Variants in ADAMTS6 observed in about 807,000 individuals in gnomAD.
ADAMTS6 encodes the protein A disintegrin and metalloproteinase with thrombospondin motifs 6.
ADAMTS6 carries 23 observed loss-of-function variants against 144.3 expected under a neutral mutation model. The ratio of observed to expected loss-of-function variants is 0.16; its 90% confidence interval spans 0.11 to 0.23. ADAMTS6 has a LOEUF of 0.23. Ranked by LOEUF, ADAMTS6 falls within the 10% of genes least tolerant of loss-of-function variation. The probability of loss-of-function intolerance (pLI) is 1.00; values close to 1 mark genes in which losing one functional copy is unlikely to be tolerated. For synonymous variants in ADAMTS6, 444 were observed against 457.5 expected (o/e 0.97, Z 0.38); for missense variants, 999 against 1,379.6 (o/e 0.72, Z 4.37).
At chr5:65,473,553 C>T (rs1760629800) in intron 2 of ADAMTS6, 24 bp downstream of exon 2, 3 of 1,569,802 alleles carry the variant, frequency 1.9e-6, no homozygotes, top group Admixed American at 1.8e-5. Flanking sequence ...TATTTTTTGT[C>T]AGTTTCAAAA....
chr5:65,337,755 T>C (rs764016341), intron 7 of ADAMTS6, among the ~76,000 whole-genome samples: 1 of 152,152 alleles, frequency 6.6e-6, no homozygotes, highest in Non-Finnish European at 1.5e-5. Flanking sequence ...ATATTCACTC[T>C]ACATCCCATC....
intron 7 of ADAMTS6, among the ~76,000 whole-genome samples, chr5:65,353,908 T>C (rs1749081365): frequency 6.6e-6 from 1 of 151,952 alleles, no homozygotes; most frequent in African/African-American, 2.4e-5. Flanking sequence ...TTAAGCCTTT[T>C]CTTCAAATAG....
chr5:65,203,455 T>G (rs1380546481), intron 20 of ADAMTS6, among the ~76,000 whole-genome samples: 1 of 152,182 alleles, frequency 6.6e-6, no homozygotes, highest in Admixed American at 6.5e-5. Context: ...TAAGAGCTTG[T>G]TTTTGGTATT....
intron 10 of ADAMTS6, among the ~76,000 whole-genome samples, chr5:65,295,421 A>G: frequency 6.6e-6 from 1 of 152,106 alleles, no homozygotes; most frequent in East Asian, 1.9e-4. Context: ...GATATTATAT[A>G]CAAATCTTCT....
Position 65,351,458 on chromosome 5 carries a change from G to T in ADAMTS6, c.1074-17373C>A, listed in dbSNP as rs560034647. Among the ~76,000 whole-genome samples, 6 of 152,310 alleles carry T rather than the reference G, an allele frequency of 3.9e-5. No individual in the cohort carries two copies. The South Asian group carries it at 8.3e-4, about 21-fold the overall frequency. On this transcript the variant is annotated intron_variant, in intron 7 of 24. Coordinates refer to ENST00000381055, the MANE Select transcript of ADAMTS6 (RefSeq NM_197941.4). Reference sequence around the variant, plus strand: ...TGCAGAAAACAATGAAAATCTTGGGGAATCACAATATGTTATAACTCTTTG... The same window carrying T: ...TGCAGAAAACAATGAAAATCTTGGGTAATCACAATATGTTATAACTCTTTG...
At position 65,149,824 on chromosome 5, in the gene ADAMTS6, T is replaced by C. The variant is rs1309390036; in HGVS notation, c.*2012A>G. 1.3e-5 allele frequency: 2 copies of C among 152,620 alleles called. No individual in the cohort carries two copies. The highest frequency in any genetic ancestry group is 4.8e-5 in the African/African-American group (2 of 41,452). The allele number at this position is 152,620 out of a possible 1,614,324, so 9.5% of individuals were successfully genotyped here. On this transcript the variant is annotated 3_prime_UTR_variant, in exon 25 of 25. Coordinates refer to ENST00000381055, the MANE Select transcript of ADAMTS6 (RefSeq NM_197941.4). Reference sequence around the variant, plus strand: ...CTCGGGCCATACTACCCATGGGCTGTTTGCCCTTCACTGAATGGCTAAGAC... The same window carrying C: ...CTCGGGCCATACTACCCATGGGCTGCTTGCCCTTCACTGAATGGCTAAGAC...
chr5:65,261,057 A>T (rs1157636493), intron 13 of ADAMTS6, among the ~76,000 whole-genome samples: 4 of 152,136 alleles, frequency 2.6e-5, no homozygotes, highest in Admixed American at 1.3e-4. Context: ...CTGATGCTAT[A>T]TGTTCACCAA....
chr5:65,302,038 G>A (rs372226567), intron 9 of ADAMTS6, among the ~76,000 whole-genome samples: 89 of 145,108 alleles, frequency 6.1e-4, no homozygotes, highest in African/African-American at 2.2e-3. Flanking sequence ...GTTGCAGTAA[G>A]CTGAGACCAT....
intron 7 of ADAMTS6, among the ~76,000 whole-genome samples, chr5:65,338,073 T>C (rs912678450): frequency 6.6e-6 from 1 of 152,238 alleles, no homozygotes; most frequent in African/African-American, 2.4e-5. Flanking sequence ...GGCTAAGAAG[T>C]ACACTGGAAT....
intron 7 of ADAMTS6, among the ~76,000 whole-genome samples, chr5:65,442,678 T>C (rs890951536): frequency 1.3e-5 from 2 of 152,144 alleles, no homozygotes; most frequent in Non-Finnish European, 2.9e-5. Flanking sequence ...ACTATATATA[T>C]ATTTTTATTG....
intron 10 of ADAMTS6, among the ~76,000 whole-genome samples, chr5:65,295,575 T>A (rs922483713): frequency 6.6e-6 from 1 of 152,218 alleles, no homozygotes; most frequent in African/African-American, 2.4e-5. Flanking sequence ...CAATTTATTA[T>A]TAAACATATA....
intron 7 of ADAMTS6, among the ~76,000 whole-genome samples, chr5:65,434,247 G>A (rs1757214777): frequency 6.6e-6 from 1 of 152,182 alleles, no homozygotes; most frequent in Non-Finnish European, 1.5e-5. Context: ...TAGAACTGGG[G>A]AAATGGAGGG....
intron 20 of ADAMTS6, among the ~76,000 whole-genome samples, chr5:65,200,661 T>G (rs1755675267): frequency 6.6e-6 from 1 of 152,142 alleles, no homozygotes; most frequent in Admixed American, 6.5e-5. Flanking sequence ...TTAATAAAAA[T>G]ACACTAATTG....
chr5:65,426,094 T>C (rs1223430205), intron 7 of ADAMTS6, among the ~76,000 whole-genome samples: 2 of 150,010 alleles, frequency 1.3e-5, no homozygotes, highest in African/African-American at 2.5e-5. Context: ...TCTCCCAGGC[T>C]AGAGTGCAAT....
At chr5:65,475,441 T>A (rs1431996788) in intron 1 of ADAMTS6, among the ~76,000 whole-genome samples, 1 of 152,132 alleles carries the variant, frequency 6.6e-6, no homozygotes, top group Non-Finnish European at 1.5e-5. Flanking sequence ...CAGAAAAGAT[T>A]AAGATTCAAT....
At chr5:65,253,029 A>G (rs1335749321) in intron 14 of ADAMTS6, among the ~76,000 whole-genome samples, 1 of 151,972 alleles carries the variant, frequency 6.6e-6, no homozygotes, top group Non-Finnish European at 1.5e-5. Flanking sequence ...CTGGGACTAC[A>G]GGCATGCACC....
intron 24 of ADAMTS6, among the ~76,000 whole-genome samples, chr5:65,168,014 G>A (rs1753306428): frequency 6.8e-6 from 1 of 147,306 alleles, no homozygotes; most frequent in Admixed American, 6.9e-5. Flanking sequence ...ATTCAACATA[G>A]TGTTGGAAGT....
intron 3 of ADAMTS6, among the ~76,000 whole-genome samples, chr5:65,468,048 CAG>C (rs1459044545): frequency 1.3e-5 from 2 of 151,800 alleles, no homozygotes; most frequent in Non-Finnish European, 2.9e-5. Flanking sequence ...TAAAAGTAAA[CAG>C]AAACTCCAGA....
intron 7 of ADAMTS6, among the ~76,000 whole-genome samples, chr5:65,389,213 A>G (rs1359110526): frequency 2.0e-5 from 3 of 151,986 alleles, no homozygotes; most frequent in East Asian, 1.9e-4. Context: ...CAAAGAAAAA[A>G]AAAAAGAAAG....
Sources: allele counts gnomAD v4.1 joint callset (sites outside exome capture counted in the v4.1 genomes callset), GRCh38; gene constraint gnomAD v4.1.1; transcripts MANE v1.5; gene names NCBI Gene and HGNC (gene_info 2026-07-23, HGNC 2026-07-21).